The following TUT4 variants were observed in gnomAD, a reference collection of about 807,000 sequenced individuals.
The protein encoded by TUT4 is terminal uridylyl transferase 4.
TUT4 carries 36 observed loss-of-function variants against 192.2 expected under a neutral mutation model. That is an observed-to-expected ratio of 0.19 (90% CI 0.14 to 0.25). TUT4 has a LOEUF of 0.25. TUT4 is among the 10% of genes least tolerant of loss of function. TUT4 has a pLI of 1.00. For missense variants in TUT4, 1,493 were observed against 1,957.2 expected, an observed-to-expected ratio of 0.76 and a Z score of 4.47; for synonymous variants, 618 against 666.0, an observed-to-expected ratio of 0.93 and a Z score of 1.11.
At chr1:52,502,118 T>C (rs1444783838) in intron 4 of TUT4, among the ~76,000 whole-genome samples, 2 of 150,088 alleles carry the variant, frequency 1.3e-5, no homozygotes, top group African/African-American at 4.9e-5. Context: ...TTATCTTATA[T>C]ATATTTTACC....
chr1:52,475,223 T>G lies in TUT4; in HGVS notation c.2336A>C (p.Asp779Ala), dbSNP rs1444718263. The change falls in exon 13 of 30, where the codon GAC becomes GCC. Residue 779 changes from aspartate (D) to alanine (A), a missense_variant. Coordinates refer to ENST00000257177, the MANE Select transcript of TUT4 (RefSeq NM_001009881.3). ...TTCATTTACCAACAAATTGTTGTTG[T>G]CAATAATACATCTCTGTGATGTACA... ...MDCTSQRCII[D>A]NNNLLVNELD... The G allele has an allele frequency of 2.7e-5, 44 of 1,614,066 alleles. No homozygotes were observed. Among genetic ancestry groups the G allele is most frequent in the Non-Finnish European group, 3.7e-5 (44 of 1,180,040 alleles).
chr1:52,463,676 C>T, intron 16 of TUT4: 1 of 1,304,224 alleles, frequency 7.7e-7, no homozygotes, highest in African/African-American at 1.5e-5. Flanking sequence ...AGGATACCCT[C>T]CTTTGCTAGT....
intron 28 of TUT4, among the ~76,000 whole-genome samples, chr1:52,429,638 C>A (rs112597167): frequency 0.037 from 5,588 of 151,404 alleles, 369 homozygotes; most frequent in African/African-American, 0.13. Context: ...GTTGCCCAGG[C>A]TGGAATGCAA....
chr1:52,474,105 G>A (rs900971090), intron 13 of TUT4, among the ~76,000 whole-genome samples: 4 of 152,198 alleles, frequency 2.6e-5, no homozygotes, highest in African/African-American at 9.7e-5. Flanking sequence ...CTACTCAGGA[G>A]GCTGAGGTGG....
intron 4 of TUT4, among the ~76,000 whole-genome samples, chr1:52,505,418 CTTT>C (rs35140317): frequency 3.7e-5 from 4 of 109,516 alleles, no homozygotes; most frequent in Non-Finnish European, 3.6e-5. Context: ...TTTGCTTAGA[CTTT>C]TTTTTTTTTT....
At chr1:52,464,546 G>A (rs1663557872) in intron 16 of TUT4, among the ~76,000 whole-genome samples, 1 of 152,086 alleles carries the variant, frequency 6.6e-6, no homozygotes, top group Admixed American at 6.6e-5. Context: ...GAGCTACCAC[G>A]CCCAGCCCTT....
chr1:52,430,920 AC>A, intron 28 of TUT4, 92 bp downstream of exon 28: 1 of 1,388,502 alleles, frequency 7.2e-7, no homozygotes, highest in Non-Finnish European at 9.8e-7. Flanking sequence ...CTCCACAAAT[AC>A]TGCTTTCCTT....
At chr1:52,424,448 T>C (rs947149240) in intron 29 of TUT4, 1 of 155,842 alleles carries the variant, frequency 6.4e-6, no homozygotes, top group African/African-American at 2.4e-5. Flanking sequence ...ACTTCCCCTT[T>C]AAGTTATCAT....
intron 1 of TUT4, among the ~76,000 whole-genome samples, chr1:52,539,290 TA>T (rs1272768574): frequency 2.0e-5 from 3 of 152,328 alleles, no homozygotes; most frequent in African/African-American, 4.8e-5. Flanking sequence ...AAGTGTCAGA[TA>T]ACATTCAATG....
At position 52,493,619 on chromosome 1, in the gene TUT4, T is replaced by G. The variant is rs966920661; in HGVS notation, c.1310A>C (p.Lys437Thr). 3 of 1,494,836 alleles carry G rather than the reference T, an allele frequency of 2.0e-6. No homozygotes were observed. The highest frequency in any genetic ancestry group is 2.7e-6 in the Non-Finnish European group (3 of 1,099,858). The allele number at this position is 1,494,836 out of a possible 1,614,324, so 92.6% of individuals were successfully genotyped here. A position where few individuals can be genotyped will look rare whatever the true frequency, so the allele number is the denominator to read the frequency against. Residue 437 changes from lysine to threonine, a missense_variant, in exon 7 of 30, where the codon AAG becomes ACG. Physicochemically the swap from Lys to Thr is moderately conservative, Grantham distance 78 (BLOSUM62 -1). Coordinates refer to ENST00000257177, the MANE Select transcript of TUT4 (RefSeq NM_001009881.3). ...AAAGAAAAGAAACTCACCATTTTTC[T>G]TTAAAATCCCAAGTACTTTTATCAG... ...DLLIKVLGIL[K>T]KNVLYVDVES...
At chr1:52,483,145 G>A (rs1373142378) in intron 9 of TUT4, among the ~76,000 whole-genome samples, 1 of 152,122 alleles carries the variant, frequency 6.6e-6, no homozygotes, top group Non-Finnish European at 1.5e-5. Context: ...GTGAAATGTA[G>A]TATCTGATGG....
At chr1:52,520,278 C>A (rs1041554009) in intron 2 of TUT4, among the ~76,000 whole-genome samples, 2 of 152,162 alleles carry the variant, frequency 1.3e-5, no homozygotes, top group African/African-American at 4.8e-5. Context: ...CTAGCTTTTA[C>A]TCTGATGGAT....
chr1:52,481,762 T>C, intron 10 of TUT4, 42 bp downstream of exon 10: 1 of 1,436,848 alleles, frequency 7.0e-7, no homozygotes, highest in Non-Finnish European at 9.4e-7. Flanking sequence ...AAGAGCAAAC[T>C]ATATATATAT....
chr1:52,548,474 T>G (rs919235643), intron 1 of TUT4, among the ~76,000 whole-genome samples: 1 of 152,150 alleles, frequency 6.6e-6, no homozygotes, highest in Non-Finnish European at 1.5e-5. Context: ...CACAGTACAG[T>G]GGCAAAGAGC....
intron 16 of TUT4, chr1:52,463,840 G>T (rs1405462377): frequency 3.9e-6 from 5 of 1,275,616 alleles, no homozygotes; most frequent in Non-Finnish European, 5.2e-6. Flanking sequence ...ACTTGGGGAA[G>T]GTCTGCTCCT....
intron 19 of TUT4, among the ~76,000 whole-genome samples, chr1:52,459,450 A>T (rs759115484): frequency 4.0e-5 from 6 of 150,824 alleles, no homozygotes; most frequent in Non-Finnish European, 7.4e-5. Flanking sequence ...ATAGTTGGGC[A>T]TGGTGGCACA....
In TUT4 at chr1:52,527,907, G is replaced by A. The variant is rs149336537; in HGVS notation, c.-93-1534C>T. 3.4e-3 allele frequency among the ~76,000 whole-genome samples: 511 copies of A among 152,078 alleles called. 4 individuals carry two copies. The highest frequency in any genetic ancestry group is 0.011 in the African/African-American group (474 of 41,482). ...CTAAAAAATAATGTCAGCCAGGCAT[G>A]GTGCCTCACGCCTGTAATCCCAGCA... On this transcript the variant is annotated intron_variant, in intron 1 of 29. Transcript: ENST00000257177.
chr1:52,450,487 A>G (rs1372435225), intron 20 of TUT4, among the ~76,000 whole-genome samples: 1 of 152,198 alleles, frequency 6.6e-6, no homozygotes, highest in African/African-American at 2.4e-5. Flanking sequence ...TTAAAGTTGA[A>G]TATGGTAGTC....
intron 3 of TUT4, among the ~76,000 whole-genome samples, chr1:52,514,558 C>T (rs1348388682): frequency 6.6e-6 from 1 of 152,178 alleles, no homozygotes; most frequent in African/African-American, 2.4e-5. Context: ...TGGTCCTCTA[C>T]TTCTTGATAT....
Sources: gnomAD v4.1 joint callset for allele counts (sites outside exome capture counted in the v4.1 genomes callset) on GRCh38, gnomAD v4.1.1 for gene constraint, MANE v1.5 for transcripts, NCBI Gene and HGNC (gene_info 2026-07-23, HGNC 2026-07-21) for gene names.